Variants in RORA observed in about 807,000 individuals in gnomAD.
The protein encoded by RORA is nuclear receptor ROR-alpha.
In RORA, 7 loss-of-function variants were observed where a neutral mutation model predicts 69.5. The observed-to-expected ratio is 0.10, with a 90% confidence interval of 0.06 to 0.19. RORA has a LOEUF of 0.19. Among genes scored for constraint, RORA ranks in the 10% least tolerant of loss-of-function variants. RORA has a pLI of 1.00. For missense variants in RORA, 457 were observed against 663.0 expected (o/e 0.69, Z 3.41); for synonymous variants, 261 against 240.8 (o/e 1.08, Z -0.78).
chr15:60,543,586 C>G (rs1310699889), intron 2 of RORA, among the ~76,000 whole-genome samples: 2 of 152,166 alleles, frequency 1.3e-5, no homozygotes, highest in African/African-American at 2.4e-5. Flanking sequence ...TGAAGCAATC[C>G]TACCACCTCA....
intron 1 of RORA, among the ~76,000 whole-genome samples, chr15:60,911,114 T>TTTTGTA (rs1891702607): frequency 8.1e-6 from 1 of 123,426 alleles, no homozygotes; most frequent in Non-Finnish European, 1.6e-5. Context: ...TTTGTATTTT[T>TTTTGTA]AGTAGAAACA....
chr15:60,593,957 T>A (rs1333619829), intron 2 of RORA, among the ~76,000 whole-genome samples: 2 of 152,048 alleles, frequency 1.3e-5, no homozygotes, highest in Non-Finnish European at 2.9e-5. Context: ...CAAGGCAAAA[T>A]TGAGTCTTCC....
In RORA at chr15:61,229,150, G is replaced by A. The variant is rs2080177410; in HGVS notation, c.69C>T (p.Ala23=). 3.2e-6 allele frequency: 5 copies of A among 1,545,292 alleles called. No homozygotes were observed. Among genetic ancestry groups the A allele is most frequent in the South Asian group, 2.4e-5 (2 of 84,166 alleles). ...SEPGSSGADA[A]AGSRETPLNQ... ...TCAGCGGGGTCTCCCTGGAGCCGGC[G>A]GCCGCGTCCGCGCCGCTGCTGCCTG... The change falls in exon 1 of 11, where the codon GCC becomes GCT. Residue 23 remains alanine (A), a synonymous_variant. Coordinates refer to ENST00000335670, the MANE Select transcript of RORA (RefSeq NM_134261.3).
chr15:60,782,814 G>A (rs552491801), intron 1 of RORA, among the ~76,000 whole-genome samples: 11 of 152,248 alleles, frequency 7.2e-5, no homozygotes, highest in Admixed American at 3.9e-4. Flanking sequence ...TTCAGTTTTC[G>A]GAAATAATAC....
chr15:60,809,231 C>A (rs2072707731), intron 1 of RORA, among the ~76,000 whole-genome samples: 1 of 152,306 alleles, frequency 6.6e-6, no homozygotes, highest in East Asian at 1.9e-4. Flanking sequence ...AAATATTCCA[C>A]ACATCCTAAA....
At chr15:61,184,965 A>T (rs1240402845) in intron 1 of RORA, among the ~76,000 whole-genome samples, 1 of 143,800 alleles carries the variant, frequency 7.0e-6, no homozygotes, top group Non-Finnish European at 1.5e-5. Flanking sequence ...AGCCTGGGCA[A>T]AGGAGCGAGA....
intron 1 of RORA, among the ~76,000 whole-genome samples, chr15:61,043,499 C>T (rs570756970): frequency 1.1e-4 from 17 of 152,322 alleles, no homozygotes; most frequent in African/African-American, 2.9e-4. Flanking sequence ...AGCCCTTAAA[C>T]GCTATTTCAG....
chr15:60,809,202 A>G (rs2072707355), intron 1 of RORA, among the ~76,000 whole-genome samples: 1 of 152,240 alleles, frequency 6.6e-6, no homozygotes. Flanking sequence ...AAAGTCCTTC[A>G]GCTCTAAATT....
intron 1 of RORA, among the ~76,000 whole-genome samples, chr15:61,152,930 G>A (rs1356782590): frequency 6.6e-6 from 1 of 152,184 alleles, no homozygotes; most frequent in Non-Finnish European, 1.5e-5. Context: ...TACTTTCATG[G>A]AGGTACGGAC....
intron 1 of RORA, among the ~76,000 whole-genome samples, chr15:60,876,324 G>GAC: frequency 7.0e-6 from 1 of 142,556 alleles, no homozygotes; most frequent in Non-Finnish European, 1.5e-5. Context: ...GGGGGGGGGG[G>GAC]GGCGGCTAGG....
intron 1 of RORA, among the ~76,000 whole-genome samples, chr15:61,075,121 C>T (rs543491040): frequency 1.6e-4 from 25 of 151,518 alleles, no homozygotes; most frequent in African/African-American, 3.9e-4. Context: ...AGAGTAACAG[C>T]GGCACGTTCA....
chr15:60,591,901 C>T (rs1483385525), intron 2 of RORA, among the ~76,000 whole-genome samples: 1 of 151,916 alleles, frequency 6.6e-6, no homozygotes, highest in Non-Finnish European at 1.5e-5. Context: ...GGGCGCTGAC[C>T]AGTCCCCGGG....
At chr15:60,892,725 T>C (rs1040271092) in intron 1 of RORA, among the ~76,000 whole-genome samples, 5 of 152,078 alleles carry the variant, frequency 3.3e-5, no homozygotes, top group Admixed American at 6.5e-5. Flanking sequence ...CAAAGAAATA[T>C]ACTTAGAATG....
chr15:60,525,975 G>A (rs538074232), intron 3 of RORA, among the ~76,000 whole-genome samples: 2 of 152,162 alleles, frequency 1.3e-5, no homozygotes. Flanking sequence ...TAAACATAAA[G>A]GGCATGCATG....
chr15:60,948,331 G>A (rs1035079288), intron 1 of RORA, among the ~76,000 whole-genome samples: 4 of 151,682 alleles, frequency 2.6e-5, no homozygotes, highest in Admixed American at 6.6e-5. Context: ...GCAAATACAA[G>A]GCATCATCCA....
intron 1 of RORA, among the ~76,000 whole-genome samples, chr15:60,788,489 T>C (rs1052930245): frequency 6.6e-6 from 1 of 152,216 alleles, no homozygotes; most frequent in African/African-American, 2.4e-5. Context: ...TGACCTATCA[T>C]CTTTCTTTTT....
intron 1 of RORA, among the ~76,000 whole-genome samples, chr15:60,731,940 A>G (rs2071435293): frequency 6.6e-6 from 1 of 152,170 alleles, no homozygotes; most frequent in African/African-American, 2.4e-5. Flanking sequence ...GGAGGTCTCT[A>G]TTAGCTAATG....
chr15:61,091,085 G>A (rs778150224), intron 1 of RORA, among the ~76,000 whole-genome samples: 1 of 152,008 alleles, frequency 6.6e-6, no homozygotes, highest in Non-Finnish European at 1.5e-5. Context: ...ATGCTTTTCC[G>A]GTTAACATCT....
chr15:60,508,867 C>G (rs16942660), intron 5 of RORA, among the ~76,000 whole-genome samples: 1 of 152,062 alleles, frequency 6.6e-6, no homozygotes, highest in Non-Finnish European at 1.5e-5. Flanking sequence ...AAACCTAGGT[C>G]GTTTATCTGG....
Sources: gnomAD v4.1 joint callset for allele counts (sites outside exome capture counted in the v4.1 genomes callset) on GRCh38, gnomAD v4.1.1 for gene constraint, MANE v1.5 for transcripts, NCBI Gene and HGNC (gene_info 2026-07-23, HGNC 2026-07-21) for gene names.